Variants in EDIL3 observed in about 807,000 individuals in gnomAD.
EDIL3 encodes the protein EGF like and discoidin domains 3.
In EDIL3, 37 loss-of-function variants were observed where a neutral mutation model predicts 67.4. The observed-to-expected ratio is 0.55, with a 90% CI of 0.42 to 0.72. The LOEUF (loss-of-function observed/expected upper bound fraction) is 0.72. Among genes scored for constraint, EDIL3 ranks in the 30% least tolerant of loss-of-function variants. The pLI, the probability that EDIL3 is intolerant of heterozygous loss-of-function variation, is 0.00. For missense variants in EDIL3, 527 were observed against 586.3 expected, an observed-to-expected ratio of 0.90 and a Z score of 1.04; for synonymous variants, 195 against 196.3, an observed-to-expected ratio of 0.99 and a Z score of 0.05.
At chr5:84,258,970 CTTTTTTT>C (rs144344642) in intron 1 of EDIL3, among the ~76,000 whole-genome samples, 1 of 77,924 alleles carries the variant, frequency 1.3e-5, no homozygotes. Flanking sequence ...TTCGTAGAGT[CTTTTTTT>C]TTTTTTTTTT....
intron 1 of EDIL3, among the ~76,000 whole-genome samples, chr5:84,258,378 GC>G (rs1041001491): frequency 6.6e-6 from 1 of 152,156 alleles, no homozygotes; most frequent in African/African-American, 2.4e-5. Flanking sequence ...ACCAGGGAGA[GC>G]CTCAGTCTAT....
intron 6 of EDIL3, among the ~76,000 whole-genome samples, chr5:84,094,609 A>T (rs1467028254): frequency 6.6e-6 from 1 of 152,192 alleles, no homozygotes; most frequent in Non-Finnish European, 1.5e-5. Flanking sequence ...AAACGTTTTT[A>T]TACACATTAC....
chr5:84,275,900 T>A (rs1407450366), intron 1 of EDIL3, among the ~76,000 whole-genome samples: 1 of 152,198 alleles, frequency 6.6e-6, no homozygotes, highest in Non-Finnish European at 1.5e-5. Flanking sequence ...GTCACATAGA[T>A]CTATTAACAC....
chr5:83,998,846 C>T (rs774439928), intron 9 of EDIL3, among the ~76,000 whole-genome samples: 2 of 152,142 alleles, frequency 1.3e-5, no homozygotes, highest in Non-Finnish European at 2.9e-5. Context: ...GAGTACTGTG[C>T]CAGCTTCAGG....
intron 1 of EDIL3, among the ~76,000 whole-genome samples, chr5:84,329,947 A>G (rs1187612562): frequency 6.6e-6 from 1 of 152,106 alleles, no homozygotes; most frequent in Non-Finnish European, 1.5e-5. Flanking sequence ...GGATACTCAG[A>G]TTTGCAGGAG....
At chr5:84,371,341 A>ATATATATATATGTGTG (rs1008172581) in intron 1 of EDIL3, among the ~76,000 whole-genome samples, 7 of 129,698 alleles carry the variant, frequency 5.4e-5, no homozygotes, top group African/African-American at 1.9e-4. Flanking sequence ...ATATATATAT[A>ATATATATATATGTGTG]TGTGTGTGTG....
chr5:84,354,698 T>C (rs72766411), intron 1 of EDIL3, among the ~76,000 whole-genome samples: 17 of 151,776 alleles, frequency 1.1e-4, no homozygotes, highest in Non-Finnish European at 2.2e-4. Flanking sequence ...AACTTTATAA[T>C]TTTTTGTAGC....
chr5:84,325,038 C>T (rs889937000), intron 1 of EDIL3, among the ~76,000 whole-genome samples: 1 of 151,772 alleles, frequency 6.6e-6, no homozygotes, highest in African/African-American at 2.4e-5. Flanking sequence ...GAAGGAGCAA[C>T]TCTTAGTAGA....
At chr5:84,268,879 A>G (rs1392935338) in intron 1 of EDIL3, among the ~76,000 whole-genome samples, 1 of 152,150 alleles carries the variant, frequency 6.6e-6, no homozygotes, top group Non-Finnish European at 1.5e-5. Flanking sequence ...CAAATTCTCT[A>G]TCATCCCATA....
chr5:84,090,284 T>C (rs1356771633), intron 6 of EDIL3, among the ~76,000 whole-genome samples: 1 of 152,226 alleles, frequency 6.6e-6, no homozygotes, highest in Admixed American at 6.5e-5. Flanking sequence ...ATGCCATCCA[T>C]TGCTTTAAAA....
intron 4 of EDIL3, among the ~76,000 whole-genome samples, chr5:84,173,098 C>T (rs559712498): frequency 2.6e-5 from 4 of 152,244 alleles, no homozygotes; most frequent in South Asian, 4.1e-4. Context: ...GAGAAATCTG[C>T]GAGATAAATC....
At chr5:84,367,447 T>C (rs1747761861) in intron 1 of EDIL3, among the ~76,000 whole-genome samples, 1 of 152,168 alleles carries the variant, frequency 6.6e-6, no homozygotes, top group African/African-American at 2.4e-5. Flanking sequence ...ACTTCCTTAA[T>C]ATTTTTGAGC....
chr5:84,249,423 CT>C (rs1744979055), intron 2 of EDIL3, among the ~76,000 whole-genome samples: 1 of 147,024 alleles, frequency 6.8e-6, no homozygotes. Context: ...ATCTATCTAT[CT>C]ATCTATCATC....
intron 7 of EDIL3, 95 bp from the exon 8 acceptor site, chr5:84,064,939 C>A: frequency 1.4e-6 from 2 of 1,396,334 alleles, no homozygotes; most frequent in South Asian, 3.5e-5. Flanking sequence ...AATAATTGTT[C>A]GAAGAACAGA....
intron 1 of EDIL3, among the ~76,000 whole-genome samples, chr5:84,376,497 T>C (rs1256553627): frequency 6.6e-6 from 1 of 152,188 alleles, no homozygotes; most frequent in Non-Finnish European, 1.5e-5. Flanking sequence ...CACAGTTAAG[T>C]ACTTTATATC....
chr5:83,969,971 T>A (rs918943510), intron 9 of EDIL3, among the ~76,000 whole-genome samples: 1 of 151,662 alleles, frequency 6.6e-6, no homozygotes, highest in Non-Finnish European at 1.5e-5. Flanking sequence ...GACAGTGGTA[T>A]AGAAAACTAG....
intron 2 of EDIL3, among the ~76,000 whole-genome samples, chr5:84,233,111 A>G (rs887601347): frequency 8.5e-5 from 13 of 152,218 alleles, no homozygotes; most frequent in African/African-American, 2.9e-4. Flanking sequence ...AACCCAACAA[A>G]TAAGTGTATT....
intron 9 of EDIL3, among the ~76,000 whole-genome samples, chr5:83,969,033 G>C (rs1744745574): frequency 6.6e-6 from 1 of 151,248 alleles, no homozygotes; most frequent in Non-Finnish European, 1.5e-5. Flanking sequence ...GTTGTTCTTG[G>C]CATTTTAAAA....
At chr5:83,946,036 T>C (rs1744302246) in intron 10 of EDIL3, among the ~76,000 whole-genome samples, 1 of 151,970 alleles carries the variant, frequency 6.6e-6, no homozygotes, top group Non-Finnish European at 1.5e-5. Context: ...TGCTTAAGAA[T>C]GCCACCTAAA....
Sources: gnomAD v4.1 joint callset for allele counts (sites outside exome capture counted in the v4.1 genomes callset) on GRCh38, gnomAD v4.1.1 for gene constraint, MANE v1.5 for transcripts, NCBI Gene and HGNC (gene_info 2026-07-23, HGNC 2026-07-21) for gene names.